The following FANCA variants were observed in gnomAD, a reference collection of about 807,000 sequenced individuals.
The protein encoded by FANCA is FA complementation group A.
In FANCA, 236 loss-of-function variants were observed where a neutral mutation model predicts 194.3. The observed-to-expected ratio is 1.21, with a 90% CI of 1.09 to 1.35. FANCA has a LOEUF of 1.35. Ranked by LOEUF, FANCA falls within the 40% of genes most tolerant of loss-of-function variation. The pLI, the probability that FANCA is intolerant of heterozygous loss-of-function variation, is 0.00. For missense variants in FANCA, 2,628 were observed against 1,813.9 expected (o/e 1.45, Z -8.15); for synonymous variants, 1,014 against 715.8 (o/e 1.42, Z -6.65).
At chr16:89,795,220 G>C (rs1210626211) in intron 11 of FANCA, among the ~76,000 whole-genome samples, 3 of 151,720 alleles carry the variant, frequency 2.0e-5, no homozygotes, top group Admixed American at 2.0e-4. Flanking sequence ...GGGAGGTGGA[G>C]GTTGCAGTGA....
chr16:89,755,394 TTA>T (rs1022929348), intron 30 of FANCA, among the ~76,000 whole-genome samples: 10 of 151,916 alleles, frequency 6.6e-5, no homozygotes, highest in African/African-American at 2.2e-4. Context: ...TTGTATTTTT[TTA>T]GTTTCGCCAT....
chr16:89,744,320 G>A (rs1202027417), intron 36 of FANCA, among the ~76,000 whole-genome samples: 1 of 152,206 alleles, frequency 6.6e-6, no homozygotes, highest in African/African-American at 2.4e-5. Context: ...TACTAGCAGT[G>A]CCCTCTGACG....
Position 89,808,350 on chromosome 16 carries a change from T to A in FANCA, c.540A>T (p.Glu180Asp). ...CTTGTACGTGAAGATGCCACACCGC[T>A]TCAAGCAACAAAGAACTCTGAAAAA... Reference protein sequence around the residue: ...LWKIQSSLLLEAVWHLHVQGI... With the variant: ...LWKIQSSLLLDAVWHLHVQGI... Residue 180 changes from glutamate to aspartate, a missense_variant, in exon 6 of 43, where the codon GAA becomes GAT. Coordinates refer to ENST00000389301, the MANE Select transcript of FANCA (RefSeq NM_000135.4). 2.5e-6 allele frequency: 4 copies of A among 1,614,074 alleles called. No individual in the cohort carries two copies. The South Asian group carries it at 4.4e-5, about 18-fold the overall frequency.
chr16:89,796,608 C>A (rs1271843099), intron 10 of FANCA, among the ~76,000 whole-genome samples: 1 of 152,186 alleles, frequency 6.6e-6, no homozygotes, highest in Non-Finnish European at 1.5e-5. Context: ...CACTTGAGGT[C>A]TGTTAGCCTG....
At chr16:89,761,649 G>C (rs1220161552) in intron 29 of FANCA, among the ~76,000 whole-genome samples, 1 of 152,078 alleles carries the variant, frequency 6.6e-6, no homozygotes, top group African/African-American at 2.4e-5. Flanking sequence ...TTTTGAGATA[G>C]GGTCTCACTC....
chr16:89,808,085 AAACC>A (rs2040730673), intron 6 of FANCA, among the ~76,000 whole-genome samples: 2 of 78,462 alleles, frequency 2.5e-5, no homozygotes, highest in African/African-American at 1.3e-4. Context: ...AAAGCAAACA[AAACC>A]AAAACACCAT....
rs200656171 is a variant in FANCA, at chr16:89,746,564, A to C, written c.3513+20T>G. 40 of 1,608,050 alleles carry C rather than the reference A, an allele frequency of 2.5e-5. No individual in the cohort carries two copies. The highest frequency in any genetic ancestry group is 3.4e-5 in the Non-Finnish European group (40 of 1,174,680). On this transcript the variant is annotated intron_variant, in intron 35 of 42. Transcript: ENST00000389301. ...CCACTCATCCCCAAAACAAAACACC[A>C]AACAAGACAGCTGACCCACCAGAGC... is the stretch of plus-strand genomic sequence containing the variant.
chr16:89,768,912 C>T (rs1164449155), intron 26 of FANCA, among the ~76,000 whole-genome samples: 3 of 126,172 alleles, frequency 2.4e-5, no homozygotes, highest in Non-Finnish European at 3.2e-5. Flanking sequence ...CATGCCAACA[C>T]CCAGTACTCA....
chr16:89,745,875 G>A (rs12922302), intron 35 of FANCA, among the ~76,000 whole-genome samples: 67,686 of 143,958 alleles, frequency 0.47, 18,027 homozygotes, highest in East Asian at 0.98. Flanking sequence ...CAGCTGAGAG[G>A]TGGCGTTCTA....
At chr16:89,792,396 G>A in intron 12 of FANCA, 75 bp downstream of exon 12, 2 of 1,465,254 alleles carry the variant, frequency 1.4e-6, no homozygotes, top group South Asian at 1.1e-5. Context: ...ACGGCAGGCA[G>A]CATGACAAGT....
intron 20 of FANCA, 146 bp downstream of exon 20, chr16:89,778,655 A>G: frequency 1.5e-6 from 1 of 674,784 alleles, no homozygotes; most frequent in East Asian, 2.8e-5. Flanking sequence ...AAAAAAAAAA[A>G]AAGTAACCAA....
chr16:89,811,471 C>G (rs992729028), intron 3 of FANCA, among the ~76,000 whole-genome samples: 1 of 152,222 alleles, frequency 6.6e-6, no homozygotes, highest in Non-Finnish European at 1.5e-5. Context: ...CCCCTGTTGA[C>G]TCACATTGAT....
In FANCA at chr16:89,770,742, G is replaced by C. The variant is rs552412428; in HGVS notation, c.2152-108C>G. On this transcript the variant is annotated intron_variant, in intron 23 of 42. Transcript: ENST00000389301. ...ACATCGCAATTCTGCTTTGCAAAAA[G>C]ACCTCCAAAACAGGCTTGTTTGGAG... The C allele has an allele frequency of 1.0e-4, 102 of 981,536 alleles. No homozygotes were observed. In the African/African-American group the frequency reaches 1.5e-3, roughly 14 times the overall value. 60.8% of individuals were successfully genotyped at this position (981,536 alleles called of 1,614,324 possible). A position where few individuals can be genotyped will look rare whatever the true frequency, so the allele number is the denominator to read the frequency against.
intron 23 of FANCA, 76 bp downstream of exon 23, chr16:89,771,602 G>A (rs2143348973): frequency 6.6e-7 from 1 of 1,520,696 alleles, no homozygotes; most frequent in Non-Finnish European, 9.1e-7. Context: ...TTGAGAGAAG[G>A]CTCCATGCGT....
At chr16:89,795,323 T>TAAATAAAA (rs1555564092) in intron 11 of FANCA, among the ~76,000 whole-genome samples, 100 of 147,952 alleles carry the variant, frequency 6.8e-4, no homozygotes, top group South Asian at 2.5e-3. Context: ...AATAAATAAA[T>TAAATAAAA]AAAATAAAGA....
In FANCA at chr16:89,740,935, C is replaced by T; in HGVS notation, c.3766-69G>A. Reference sequence around the variant, plus strand: ...GTGCTGTCATTCTAAATAAGGCTGACACATTCCTCTTTAATTGAAATTTTT... The same window carrying T: ...GTGCTGTCATTCTAAATAAGGCTGATACATTCCTCTTTAATTGAAATTTTT... On this transcript the variant is annotated intron_variant, in intron 37 of 42. Transcript: ENST00000389301. 4 of 1,380,206 alleles carry T rather than the reference C, an allele frequency of 2.9e-6. No individual in the cohort carries two copies. In the South Asian group the frequency reaches 4.9e-5, roughly 17 times the overall value. 85.5% of individuals were successfully genotyped at this position (1,380,206 alleles called of 1,614,324 possible).
At chr16:89,761,743 C>A (rs1367123434) in intron 29 of FANCA, among the ~76,000 whole-genome samples, 2 of 152,142 alleles carry the variant, frequency 1.3e-5, no homozygotes, top group African/African-American at 4.8e-5. Flanking sequence ...TCCTGCTCAG[C>A]TTCCCAAGTG....
chr16:89,815,936 T>A lies in FANCA; in HGVS notation c.130A>T (p.Lys44Ter). 1 of 1,614,132 alleles carries A rather than the reference T, an allele frequency of 6.2e-7. No individual in the cohort carries two copies. The highest frequency in any genetic ancestry group is 2.2e-5 in the East Asian group (1 of 44,870). The change falls in exon 2 of 43, where the codon AAG becomes TAG. Residue 44 changes from lysine to a stop codon, truncating the protein, a stop_gained. Transcript: ENST00000389301. LOFTEE classifies it high-confidence loss of function. ...CGCAGGAGGCGCACAGCTGATTCCT[T>A]TAATTTCTGTGCCCTTTCAGGATTA... ...KYNPERAQKLKESAVRLLRSH... is the reference protein window; with the variant it reads ...KYNPERAQKL
At chr16:89,815,440 C>T (rs2041071489) in intron 2 of FANCA, among the ~76,000 whole-genome samples, 1 of 148,824 alleles carries the variant, frequency 6.7e-6, no homozygotes, top group African/African-American at 2.5e-5. Flanking sequence ...ATTTCTGCCT[C>T]CCGGGTCCAG....
Sources: allele counts gnomAD v4.1 joint callset (sites outside exome capture counted in the v4.1 genomes callset), GRCh38; gene constraint gnomAD v4.1.1; transcripts MANE v1.5; gene names NCBI Gene and HGNC (gene_info 2026-07-23, HGNC 2026-07-21).